Variants in CNTNAP2 observed in about 807,000 individuals in gnomAD.
CNTNAP2 encodes contactin associated protein 2.
A neutral mutation model predicts 155.2 loss-of-function variants in CNTNAP2; 98 were observed. The ratio of observed to expected loss-of-function variants is 0.63; its 90% confidence interval spans 0.54 to 0.75. The LOEUF (loss-of-function observed/expected upper bound fraction) is 0.75. Ranked by LOEUF, CNTNAP2 falls within the 30% of genes least tolerant of loss-of-function variation. CNTNAP2 has a pLI of 0.00. For synonymous variants in CNTNAP2, 651 were observed against 631.2 expected (o/e 1.03, Z -0.47); for missense variants, 1,727 against 1,688.1 (o/e 1.02, Z -0.40).
intron 20 of CNTNAP2, among the ~76,000 whole-genome samples, chr7:148,253,355 A>G (rs1796404250): frequency 1.3e-5 from 2 of 152,166 alleles, no homozygotes; most frequent in Admixed American, 1.3e-4. Context: ...CTGCCAATCT[A>G]CTGTACCATG....
chr7:146,230,536 A>T (rs1255256643), intron 1 of CNTNAP2, among the ~76,000 whole-genome samples: 1 of 152,222 alleles, frequency 6.6e-6, no homozygotes, highest in Admixed American at 6.5e-5. Flanking sequence ...TAAAGAATGC[A>T]AGTCAATAGA....
Position 146,721,796 on chromosome 7 carries a change from ATAGACTATATATAGTCTATATATG to A in CNTNAP2, c.98-52451_98-52428del, listed in dbSNP as rs1474583994. Among the ~76,000 whole-genome samples, 125 of 123,614 alleles carry A rather than the reference ATAGACTATATATAGTCTATATATG, an allele frequency of 1.0e-3. 1 individual carries two copies. The highest frequency in any genetic ancestry group is 4.8e-3 in the South Asian group (20 of 4,170). 81.1% of individuals were successfully genotyped at this position (123,614 alleles called of 152,430 possible). On this transcript the variant is annotated intron_variant, in intron 1 of 23. Transcript: ENST00000361727. ...TATATTCTATATATAGTCTACATAT[ATAGACTATATATAGTCTATATATG>A]TAGACTATATATAGTCTATATATAT...
At chr7:148,236,229 T>C (rs909922514) in intron 20 of CNTNAP2, among the ~76,000 whole-genome samples, 2 of 152,012 alleles carry the variant, frequency 1.3e-5, no homozygotes, top group South Asian at 4.2e-4. Flanking sequence ...CGCCCATGCC[T>C]CTCTCTCTCA....
chr7:148,214,278 G>A (rs897179921), intron 18 of CNTNAP2, among the ~76,000 whole-genome samples: 1 of 152,210 alleles, frequency 6.6e-6, no homozygotes, highest in African/African-American at 2.4e-5. Flanking sequence ...GTGCTCAATA[G>A]ATGTTTGCTG....
intron 15 of CNTNAP2, among the ~76,000 whole-genome samples, chr7:147,998,130 G>A (rs1175796420): frequency 3.4e-5 from 1 of 29,300 alleles, no homozygotes; most frequent in African/African-American, 1.1e-4. Flanking sequence ...TTTTTTTTTT[G>A]AGACGGAGTC....
At chr7:147,228,922 T>C (rs1803612772) in intron 8 of CNTNAP2, among the ~76,000 whole-genome samples, 3 of 152,098 alleles carry the variant, frequency 2.0e-5, no homozygotes, top group African/African-American at 7.2e-5. Context: ...GTTTCTGTTC[T>C]TGTGTTATTT....
At chr7:147,627,691 C>CA (rs138424007) in intron 12 of CNTNAP2, among the ~76,000 whole-genome samples, 5,436 of 70,906 alleles carry the variant, frequency 0.077, 331 homozygotes, top group African/African-American at 0.12. Flanking sequence ...GACTCTGTCT[C>CA]AAAAAAAAAA....
At chr7:147,632,541 C>A (rs1295390598) in intron 12 of CNTNAP2, among the ~76,000 whole-genome samples, 1 of 152,166 alleles carries the variant, frequency 6.6e-6, no homozygotes, top group Non-Finnish European at 1.5e-5. Context: ...GTTAAGTTTC[C>A]TGATGCCTCC....
chr7:146,850,742 T>C (rs1289779662), intron 3 of CNTNAP2, among the ~76,000 whole-genome samples: 1 of 151,992 alleles, frequency 6.6e-6, no homozygotes, highest in Non-Finnish European at 1.5e-5. Context: ...AAATATCACA[T>C]TTCCTGTTTT....
chr7:147,907,957 T>C (rs1799994790), intron 14 of CNTNAP2, among the ~76,000 whole-genome samples: 1 of 151,568 alleles, frequency 6.6e-6, no homozygotes, highest in African/African-American at 2.4e-5. Context: ...TTTGTATTTT[T>C]AGTAGAGATG....
intron 1 of CNTNAP2, among the ~76,000 whole-genome samples, chr7:146,513,994 T>C (rs1278348526): frequency 6.6e-6 from 1 of 151,996 alleles, no homozygotes; most frequent in Non-Finnish European, 1.5e-5. Flanking sequence ...TTCAGTACTT[T>C]TTATATATCC....
intron 4 of CNTNAP2, among the ~76,000 whole-genome samples, chr7:147,073,411 A>G (rs1799936673): frequency 6.6e-6 from 1 of 152,080 alleles, no homozygotes; most frequent in Non-Finnish European, 1.5e-5. Flanking sequence ...AAGTGCCTTT[A>G]CGGCATCTAC....
At chr7:148,038,209 C>A (rs1255550458) in intron 15 of CNTNAP2, among the ~76,000 whole-genome samples, 2 of 152,198 alleles carry the variant, frequency 1.3e-5, no homozygotes, top group South Asian at 4.1e-4. Context: ...CAAGGCAATT[C>A]AGTCTGATGC....
intron 13 of CNTNAP2, among the ~76,000 whole-genome samples, chr7:147,759,351 C>G (rs1178690630): frequency 6.6e-6 from 1 of 152,136 alleles, no homozygotes; most frequent in Non-Finnish European, 1.5e-5. Flanking sequence ...ATGAGAGAAA[C>G]TTTAGACATT....
intron 3 of CNTNAP2, among the ~76,000 whole-genome samples, chr7:146,915,205 G>A (rs1796369351): frequency 6.6e-6 from 1 of 152,036 alleles, no homozygotes. Flanking sequence ...TGCTGTTTTG[G>A]TGACTATGGC....
At chr7:146,296,276 G>C (rs937999187) in intron 1 of CNTNAP2, among the ~76,000 whole-genome samples, 3 of 152,014 alleles carry the variant, frequency 2.0e-5, no homozygotes, top group African/African-American at 4.8e-5. Context: ...ACCTCACCCT[G>C]CACTCTTCAA....
intron 12 of CNTNAP2, among the ~76,000 whole-genome samples, chr7:147,575,107 ATGTGTGTGTGTGTG>A (rs754922892): frequency 4.4e-4 from 41 of 94,140 alleles, no homozygotes; most frequent in South Asian, 2.6e-3. Context: ...TTTGTGGGAA[ATGTGTGTGTGTGTG>A]TGTGTGTGTG....
Position 146,533,909 on chromosome 7 carries a change from T to G in CNTNAP2, c.98-240362T>G, listed in dbSNP as rs801933. ...ATTATAGATAAAATACTAGATGTTA[T>G]TGGCAATAACATAAGAGTAACATAA... On this transcript the variant is annotated intron_variant, in intron 1 of 23. Transcript: ENST00000361727. Among the ~76,000 whole-genome samples, 4,278 of 152,288 alleles carry G rather than the reference T, an allele frequency of 0.028. 197 individuals are homozygous for G. The highest frequency in any genetic ancestry group is 0.097 in the African/African-American group (4,033 of 41,542).
chr7:146,967,025 G>C (rs1276093511), intron 3 of CNTNAP2, among the ~76,000 whole-genome samples: 1 of 152,144 alleles, frequency 6.6e-6, no homozygotes, highest in African/African-American at 2.4e-5. Flanking sequence ...AGTTGATGCT[G>C]CTTGGGTGAA....
Sources: gnomAD v4.1 joint callset for allele counts (sites outside exome capture counted in the v4.1 genomes callset) on GRCh38, gnomAD v4.1.1 for gene constraint, MANE v1.5 for transcripts, NCBI Gene and HGNC (gene_info 2026-07-23, HGNC 2026-07-21) for gene names.